The following WHRN variants were observed in gnomAD, a reference collection of about 807,000 sequenced individuals.
WHRN encodes the protein CASK-interacting protein CIP98.
Under a neutral mutation model 68.3 loss-of-function variants are expected in WHRN, and 41 were observed. The ratio of observed to expected loss-of-function variants is 0.60; its 90% CI spans 0.47 to 0.78. WHRN has a LOEUF of 0.78. Among genes scored for constraint, WHRN ranks in the 30% least tolerant of loss-of-function variants. WHRN has a pLI of 0.00. For missense variants in WHRN, 1,243 were observed against 1,244.7 expected (o/e 1.00, Z 0.02); for synonymous variants, 560 against 561.3 (o/e 1.00, Z 0.03).
Position 114,432,177 on chromosome 9 carries a change from C to T in WHRN, c.964-5764G>A, listed in dbSNP as rs1589126375. Among the ~76,000 whole-genome samples, 6 of 152,354 alleles carry T rather than the reference C, an allele frequency of 3.9e-5. No homozygotes were observed. The South Asian group carries it at 1.2e-3, about 32-fold the overall frequency. On this transcript the variant is annotated intron_variant, in intron 3 of 11. Coordinates refer to ENST00000362057, the MANE Select transcript of WHRN (RefSeq NM_015404.4). ...AGAGGAAAGACTCCTCCATCATCCA[C>T]AGCCCACTGAGTGACTGGCTCATGT...
intron 7 of WHRN, among the ~76,000 whole-genome samples, chr9:114,408,377 G>C (rs995152121): frequency 6.6e-6 from 1 of 152,252 alleles, no homozygotes; most frequent in African/African-American, 2.4e-5. Context: ...ACCACTTGCT[G>C]ATGAATCCCA....
Position 114,426,402 on chromosome 9 carries a change from CT to C in WHRN, c.974del (p.Gln325ArgfsTer3), listed in dbSNP as rs774190444. 6.2e-7 allele frequency: 1 copy of C among 1,613,888 alleles called. No homozygotes were observed. Among genetic ancestry groups the C allele is most frequent in the South Asian group, 1.1e-5 (1 of 91,066 alleles). On this transcript the variant is annotated frameshift_variant, in exon 4 of 12. Transcript: ENST00000362057. LOFTEE classifies it high-confidence loss of function. ...AGCTCCGCCCATTCACTTCTAGAAT[CT>C]GGTCCCCAACCTGCCAAGATCACCA... ...AEGSGLKVGD[Q>X]ILEVNGRSFL... is the part of the protein sequence containing the mutation.
intron 7 of WHRN, among the ~76,000 whole-genome samples, chr9:114,422,129 G>A (rs906258059): frequency 2.0e-5 from 3 of 152,136 alleles, no homozygotes; most frequent in Non-Finnish European, 2.9e-5. Flanking sequence ...GCACACCTCT[G>A]AGCTCCTGCT....
intron 7 of WHRN, among the ~76,000 whole-genome samples, chr9:114,420,780 GT>G (rs1311424675): frequency 6.6e-6 from 1 of 152,104 alleles, no homozygotes; most frequent in Admixed American, 6.5e-5. Context: ...CCCTCAGGGT[GT>G]GGCCAGCATT....
chr9:114,459,833 T>C (rs916345712), intron 3 of WHRN, among the ~76,000 whole-genome samples: 1 of 152,186 alleles, frequency 6.6e-6, no homozygotes, highest in Non-Finnish European at 1.5e-5. Flanking sequence ...AAAGGATCCT[T>C]ATTAAACAAA....
At chr9:114,423,226 G>T (rs1234286350) in intron 7 of WHRN, 88 bp downstream of exon 7, 2 of 1,380,420 alleles carry the variant, frequency 1.4e-6, no homozygotes, top group South Asian at 1.2e-5. Flanking sequence ...GTGGTGCTGG[G>T]ATTCGAACTC....
At position 114,434,897 on chromosome 9, in the gene WHRN, C is replaced by T. The variant is rs147129919; in HGVS notation, c.964-8484G>A. ...GCATCCGAACCAATCTCGCACCTTC[C>T]TCCCCTACTGCTTTTTTTCCGATCC... is the stretch of plus-strand genomic sequence containing the variant. On this transcript the variant is annotated intron_variant, in intron 3 of 11. Coordinates refer to ENST00000362057, the MANE Select transcript of WHRN (RefSeq NM_015404.4). Among the ~76,000 whole-genome samples the T allele has an allele frequency of 2.2e-3, 338 of 152,322 alleles. 2 individuals carry two copies. The highest frequency in any genetic ancestry group is 7.8e-3 in the African/African-American group (324 of 41,562).
chr9:114,406,234 C>T, intron 9 of WHRN, 121 bp downstream of exon 9: 1 of 1,417,902 alleles, frequency 7.1e-7, no homozygotes, highest in Non-Finnish European at 9.8e-7. Flanking sequence ...CCCTTCGCCA[C>T]TCTGGCCCTG....
chr9:114,464,816 AATGATGATGATGATGATGATGATG>A (rs10523063), intron 3 of WHRN, among the ~76,000 whole-genome samples: 19 of 144,746 alleles, frequency 1.3e-4, no homozygotes, highest in Admixed American at 6.1e-4. Context: ...TTATGTCCAT[AATGATGATGATGATGATGATGATG>A]ATGATGATGA....
Position 114,403,330 on chromosome 9 carries a change from G to C in WHRN, c.2428C>G (p.Leu810Val). 1 of 1,614,050 alleles carries C rather than the reference G, an allele frequency of 6.2e-7. No homozygotes were observed. Reference sequence around the variant, plus strand: ...CGGACCAGAGTGGACGTGGGCTCCAGAAGTCCAGGCTGTGGGTATTAGGAA... The same window carrying C: ...CGGACCAGAGTGGACGTGGGCTCCACAAGTCCAGGCTGTGGGTATTAGGAA... ...TDGANKPPGL[L>V]EPTSTLVRVK... Residue 810 changes from leucine (L) to valine (V), a missense_variant, in exon 11 of 12, where the codon CTG becomes GTG. Transcript: ENST00000362057.
In WHRN at chr9:114,504,426, C is replaced by T. The variant is rs1444564272; in HGVS notation, c.376G>A (p.Ala126Thr). 7.5e-6 allele frequency: 12 copies of T among 1,606,324 alleles called. No individual in the cohort carries two copies. Among genetic ancestry groups the T allele is most frequent in the African/African-American group, 1.3e-5 (1 of 74,916 alleles). Residue 126 changes from alanine to threonine, a missense_variant, in exon 1 of 12, where the codon GCC becomes ACC. By Grantham distance (58) the Ala-to-Thr change is moderately conservative (BLOSUM62 0). Transcript: ENST00000362057. ...LPATTPYRQP[A>T]WGGPDSAGPG... The stretch of plus-strand genomic sequence containing the variant: ...CCCGCGCTGTCGGGGCCGCCCCAGG[C>T]GGGCTGCCTGTAGGGGGTGGTGGCG...
chr9:114,475,778 C>A (rs1001193429), intron 2 of WHRN, among the ~76,000 whole-genome samples: 10 of 152,250 alleles, frequency 6.6e-5, no homozygotes, highest in African/African-American at 2.4e-4. Context: ...TCAGCTCATG[C>A]CCCTTCCCAA....
At chr9:114,494,868 AG>A (rs34788832) in intron 1 of WHRN, among the ~76,000 whole-genome samples, 62,808 of 151,932 alleles carry the variant, frequency 0.41, 14,468 homozygotes, top group East Asian at 0.58. Flanking sequence ...AACAAAGAAA[AG>A]AAAACACCAA....
At chr9:114,501,551 TAC>T (rs59195050) in intron 1 of WHRN, among the ~76,000 whole-genome samples, 1,912 of 144,822 alleles carry the variant, frequency 0.013, 13 homozygotes, top group South Asian at 0.03. Context: ...TAATTTTTAT[TAC>T]ACACACACAC....
chr9:114,407,993 C>G lies in WHRN; in HGVS notation c.1652G>C (p.Gly551Ala), dbSNP rs144655082. 5.0e-6 allele frequency: 8 copies of G among 1,603,436 alleles called. No homozygotes were observed. The highest frequency in any genetic ancestry group is 6.8e-6 in the Non-Finnish European group (8 of 1,174,410). ...ARNTLDLEET[G>A]EAVQGNINAL... ...GTTGATATTGCCCTGGACAGCCTCG[C>G]CAGTTTCCTCCAGGTCCAGAGTGTT... Residue 551 changes from glycine (G) to alanine (A), a missense_variant, in exon 8 of 12, where the codon GGC (glycine) becomes GCC (alanine). Physicochemically the swap from Gly to Ala is moderately conservative, Grantham distance 60. Transcript: ENST00000362057.
At chr9:114,444,150 C>T (rs1413688411) in intron 3 of WHRN, among the ~76,000 whole-genome samples, 1 of 152,180 alleles carries the variant, frequency 6.6e-6, no homozygotes, top group Admixed American at 6.5e-5. Context: ...TCCCGTACCC[C>T]ATCTAGATGA....
chr9:114,483,043 A>G (rs1842213001), intron 1 of WHRN, among the ~76,000 whole-genome samples: 1 of 152,264 alleles, frequency 6.6e-6, no homozygotes, highest in African/African-American at 2.4e-5. Context: ...TCCCCATCAC[A>G]GGACTCTGAG....
chr9:114,466,468 C>G (rs929990571), intron 2 of WHRN, 76 bp from the exon 3 acceptor site: 37 of 1,599,998 alleles, frequency 2.3e-5, no homozygotes, highest in Non-Finnish European at 2.6e-5. Flanking sequence ...GCAAAGCCCC[C>G]TCTCGTACTT....
rs766529069 is a variant in WHRN at position 114,406,747 on chromosome 9, G to A, written c.1844C>T (p.Ser615Phe). The A allele has an allele frequency of 3.7e-6, 6 of 1,614,054 alleles. No homozygotes were observed. The highest frequency in any genetic ancestry group is 5.1e-6 in the Non-Finnish European group (6 of 1,180,026). ...AGCCGAGAAGACAGTGCCCGAGCAG[G>A]AAGGCATGGAGGAAGGTGGCTGGAG... Reference protein sequence around the residue: ...EDLQPPSSMPSCSGTVFSAPQ... With the variant: ...EDLQPPSSMPFCSGTVFSAPQ... The change falls in exon 9 of 12, where the codon TCC (serine) becomes TTC (phenylalanine). Residue 615 changes from serine (S) to phenylalanine (F), a missense_variant. By Grantham distance (155) the Ser-to-Phe change is radical. Transcript: ENST00000362057.
Sources: gnomAD v4.1 joint callset for allele counts (sites outside exome capture counted in the v4.1 genomes callset) on GRCh38, gnomAD v4.1.1 for gene constraint, MANE v1.5 for transcripts, NCBI Gene and HGNC (gene_info 2026-07-23, HGNC 2026-07-21) for gene names.